The following SPTLC2 variants were observed in gnomAD, a reference collection of about 807,000 sequenced individuals.
SPTLC2 encodes the protein serine palmitoyltransferase long chain base subunit 2, also known as serine palmitoyltransferase 2.
A neutral mutation model predicts 62.0 loss-of-function variants in SPTLC2; 21 were observed. That is an observed-to-expected ratio of 0.34 (90% CI 0.24 to 0.49). The LOEUF (loss-of-function observed/expected upper bound fraction) is 0.49, where lower values mean the gene tolerates loss of function less well. Among genes scored for constraint, SPTLC2 ranks in the 20% least tolerant of loss-of-function variants. SPTLC2 has a pLI of 0.99. For synonymous variants in SPTLC2, 261 were observed against 261.8 expected (o/e 1.00, Z 0.03); for missense variants, 511 against 713.0 (o/e 0.72, Z 3.23).
intron 9 of SPTLC2, among the ~76,000 whole-genome samples, chr14:77,550,627 T>C (rs879905382): frequency 8.6e-5 from 13 of 151,514 alleles, no homozygotes; most frequent in Non-Finnish European, 1.9e-4. Context: ...GTCAGCTGGG[T>C]GTGGTGGCTC....
chr14:77,515,393 A>G (rs143426438), intron 11 of SPTLC2, among the ~76,000 whole-genome samples: 2 of 152,266 alleles, frequency 1.3e-5, no homozygotes, highest in African/African-American at 2.4e-5. Flanking sequence ...CATCTTAACA[A>G]TATTAAATCT....
rs74471542 is a variant in SPTLC2, at chr14:77,595,024, G to A, written c.327+2162C>T. Among the ~76,000 whole-genome samples, 839 of 152,228 alleles carry A rather than the reference G, an allele frequency of 5.5e-3. 10 individuals are homozygous for A. Among genetic ancestry groups the A allele is most frequent in the African/African-American group, 0.019 (790 of 41,524 alleles). Reference sequence around the variant, plus strand: ...TATACAAAATCAACGTACTGTAGATGCACTCTGAGTGGACATGCTCAGGGG... The same window carrying A: ...TATACAAAATCAACGTACTGTAGATACACTCTGAGTGGACATGCTCAGGGG... On this transcript the variant is annotated intron_variant, in intron 2 of 11. Coordinates refer to ENST00000216484, the MANE Select transcript of SPTLC2 (RefSeq NM_004863.4).
chr14:77,531,489 C>T (rs2140001523), intron 9 of SPTLC2, among the ~76,000 whole-genome samples: 1 of 93,982 alleles, frequency 1.1e-5, no homozygotes, highest in Admixed American at 1.2e-4. Flanking sequence ...CCCCCTCCTC[C>T]TCCTCCTCCT....
At chr14:77,613,371 T>C (rs145340676) in intron 1 of SPTLC2, among the ~76,000 whole-genome samples, 331 of 152,300 alleles carry the variant, frequency 2.2e-3, no homozygotes, top group African/African-American at 7.7e-3. Flanking sequence ...TTACCTCAAA[T>C]AAAGGTTTGT....
At chr14:77,612,146 C>G (rs1449564458) in intron 1 of SPTLC2, among the ~76,000 whole-genome samples, 1 of 152,190 alleles carries the variant, frequency 6.6e-6, no homozygotes, top group African/African-American at 2.4e-5. Context: ...CACACCCACT[C>G]AGAATGCAAA....
At chr14:77,592,859 C>G (rs2079825903) in intron 2 of SPTLC2, among the ~76,000 whole-genome samples, 1 of 152,082 alleles carries the variant, frequency 6.6e-6, no homozygotes. Context: ...CCTGTAATCC[C>G]AGCACTTTGG....
intron 9 of SPTLC2, among the ~76,000 whole-genome samples, chr14:77,526,717 T>C (rs7145386): frequency 0.16 from 24,247 of 152,150 alleles, 2,138 homozygotes; most frequent in African/African-American, 0.23. Flanking sequence ...TCAACCTCTT[T>C]ACAATAAATC....
chr14:77,597,456 G>T (rs1334550854), intron 1 of SPTLC2, 76 bp from the exon 2 acceptor site: 3 of 1,389,268 alleles, frequency 2.2e-6, no homozygotes, highest in Non-Finnish European at 3.0e-6. Flanking sequence ...GGTCCTTAGA[G>T]ATTTGCTGAA....
intron 9 of SPTLC2, among the ~76,000 whole-genome samples, chr14:77,543,727 T>C (rs2079513958): frequency 6.6e-6 from 1 of 152,144 alleles, no homozygotes; most frequent in Admixed American, 6.5e-5. Flanking sequence ...TTAGTTCTGT[T>C]TTCCTGCTGC....
intron 11 of SPTLC2, among the ~76,000 whole-genome samples, chr14:77,517,616 G>T (rs565141490): frequency 1.2e-4 from 18 of 152,306 alleles, no homozygotes; most frequent in African/African-American, 3.8e-4. Flanking sequence ...AGGATTCCAA[G>T]GGAACACAGA....
intron 4 of SPTLC2, 89 bp from the exon 5 acceptor site, chr14:77,570,597 T>A: frequency 6.6e-7 from 1 of 1,504,344 alleles, no homozygotes; most frequent in Non-Finnish European, 9.1e-7. Context: ...ATAGTATATG[T>A]GTTGTGTCCT....
rs1002970719 is a variant in SPTLC2 at position 77,588,335 on chromosome 14, A to G, written c.327+8851T>C. On this transcript the variant is annotated intron_variant, in intron 2 of 11. Transcript: ENST00000216484. ...AGTTGTTTCAAAACTTAAATTAAGAATTTTTAAATCCCAAATAATTCCCAC... is the reference window on the plus strand; with the variant it reads ...AGTTGTTTCAAAACTTAAATTAAGAGTTTTTAAATCCCAAATAATTCCCAC... 2.0e-5 allele frequency among the ~76,000 whole-genome samples: 3 copies of G among 152,168 alleles called. No homozygotes were observed. In the East Asian group the frequency reaches 5.8e-4, roughly 29 times the overall value.
intron 10 of SPTLC2, among the ~76,000 whole-genome samples, chr14:77,520,179 A>G (rs2079379097): frequency 1.3e-5 from 2 of 152,252 alleles, no homozygotes; most frequent in South Asian, 4.1e-4. Flanking sequence ...TTTGGATCTG[A>G]TAACTCTTCA....
chr14:77,529,771 C>G (rs1376336726), intron 9 of SPTLC2, among the ~76,000 whole-genome samples: 1 of 151,460 alleles, frequency 6.6e-6, no homozygotes, highest in African/African-American at 2.4e-5. Context: ...TACAGATGTG[C>G]GCCACCATGC....
At chr14:77,581,969 T>G (rs962929028) in intron 2 of SPTLC2, among the ~76,000 whole-genome samples, 14 of 152,070 alleles carry the variant, frequency 9.2e-5, no homozygotes, top group Non-Finnish European at 1.6e-4. Context: ...ATCCTTTTCA[T>G]TCATGTAAAA....
At chr14:77,606,102 C>A (rs1378155661) in intron 1 of SPTLC2, among the ~76,000 whole-genome samples, 1 of 152,196 alleles carries the variant, frequency 6.6e-6, no homozygotes, top group Non-Finnish European at 1.5e-5. Context: ...GAGGCCGAGG[C>A]AGGCTGATCA....
intron 9 of SPTLC2, 106 bp from the exon 10 acceptor site, chr14:77,521,687 GT>G (rs2079385641): frequency 1.9e-6 from 2 of 1,048,738 alleles, no homozygotes; most frequent in Non-Finnish European, 2.9e-6. Context: ...GTTCTGTTTC[GT>G]TTTTTTCCAT....
chr14:77,529,250 CTTCTTTTTTTTT>C (rs1305302833), intron 9 of SPTLC2, among the ~76,000 whole-genome samples: 2 of 107,408 alleles, frequency 1.9e-5, no homozygotes, highest in Admixed American at 1.7e-4. Context: ...TTGAAAACTT[CTTCTTTTTTTTT>C]TTTTTTTTTT....
chr14:77,512,900 G>A (rs901056912), intron 11 of SPTLC2, among the ~76,000 whole-genome samples: 9 of 151,716 alleles, frequency 5.9e-5, no homozygotes, highest in Non-Finnish European at 1.3e-4. Context: ...ATTTTTAGTA[G>A]AGATGGGGTT....
Sources: allele counts gnomAD v4.1 joint callset (sites outside exome capture counted in the v4.1 genomes callset), GRCh38; gene constraint gnomAD v4.1.1; transcripts MANE v1.5; gene names NCBI Gene and HGNC (gene_info 2026-07-23, HGNC 2026-07-21).